Variants in FLNB observed in about 807,000 individuals in gnomAD.
FLNB encodes filamin-B.
In FLNB, 111 loss-of-function variants were observed where a neutral mutation model predicts 250.6. The ratio of observed to expected loss-of-function variants is 0.44; its 90% CI spans 0.38 to 0.52. The LOEUF (loss-of-function observed/expected upper bound fraction) is 0.52, where lower values mean the gene tolerates loss of function less well. Among genes scored for constraint, FLNB ranks in the 20% least tolerant of loss-of-function variants. The pLI is 0.00. For synonymous variants in FLNB, 1,302 were observed against 1,372.1 expected, an observed-to-expected ratio of 0.95 and a Z score of 1.13; for missense variants, 2,869 against 3,447.8, an observed-to-expected ratio of 0.83 and a Z score of 4.20.
intron 18 of FLNB, among the ~76,000 whole-genome samples, chr3:58,112,858 C>T (rs1427507323): frequency 6.6e-6 from 1 of 152,108 alleles, no homozygotes; most frequent in Non-Finnish European, 1.5e-5. Context: ...CCCTAAGGCC[C>T]AGCACACTAT....
At chr3:58,023,552 TTTTAA>T (rs1460423308) in intron 1 of FLNB, among the ~76,000 whole-genome samples, 1 of 152,238 alleles carries the variant, frequency 6.6e-6, no homozygotes, top group Non-Finnish European at 1.5e-5. Flanking sequence ...TACAGCTGCC[TTTTAA>T]TCAGAATAGG....
At chr3:58,116,751 G>C (rs533423300) in intron 18 of FLNB, among the ~76,000 whole-genome samples, 1 of 152,172 alleles carries the variant, frequency 6.6e-6, no homozygotes, top group Non-Finnish European at 1.5e-5. Flanking sequence ...TTGGTTGTGG[G>C]TGGCTTCAAG....
intron 1 of FLNB, 125 bp downstream of exon 1, chr3:58,008,981 C>T: frequency 8.2e-7 from 1 of 1,219,058 alleles, no homozygotes; most frequent in Non-Finnish European, 1.2e-6. Flanking sequence ...GGAGTCGTCC[C>T]CAGGGGTGGG....
At chr3:58,064,416 C>T (rs2097182599) in intron 1 of FLNB, among the ~76,000 whole-genome samples, 1 of 152,136 alleles carries the variant, frequency 6.6e-6, no homozygotes, top group Non-Finnish European at 1.5e-5. Context: ...CCTGCCTTGG[C>T]CTCCTAAAGT....
In FLNB at chr3:58,138,410, G is replaced by A; in HGVS notation, c.4990G>A (p.Val1664Ile). The A allele has an allele frequency of 6.2e-7, 1 of 1,614,242 alleles. No homozygotes were observed. Among genetic ancestry groups the A allele is most frequent in the South Asian group, 1.1e-5 (1 of 91,092 alleles). The change falls in exon 29 of 46, where the codon GTC becomes ATC. Residue 1664 changes from valine to isoleucine, a missense_variant. Val to Ile is a conservative substitution (Grantham distance 29). Coordinates refer to ENST00000295956, the MANE Select transcript of FLNB (RefSeq NM_001457.4). Reference sequence around the variant, plus strand: ...AGATGGCACTGAGGCCGAGGCCGATGTCATTGAGAATGAAGATGGAACCTA... The same window carrying A: ...AGATGGCACTGAGGCCGAGGCCGATATCATTGAGAATGAAGATGGAACCTA... ...TPDGTEAEAD[V>I]IENEDGTYDI...
intron 3 of FLNB, among the ~76,000 whole-genome samples, chr3:58,080,830 G>A (rs193124934): frequency 2.1e-4 from 31 of 145,528 alleles, no homozygotes; most frequent in African/African-American, 8.0e-4. Context: ...TTACTCCTCT[G>A]TTACCCAGGC....
intron 38 of FLNB, among the ~76,000 whole-genome samples, chr3:58,152,188 C>T (rs150679907): frequency 1.2e-3 from 179 of 152,288 alleles, no homozygotes; most frequent in African/African-American, 4.0e-3. Context: ...GGGTGAGGCT[C>T]GATTTTCCAC....
chr3:58,120,295 C>G (rs2097286384), intron 19 of FLNB, among the ~76,000 whole-genome samples: 1 of 152,228 alleles, frequency 6.6e-6, no homozygotes, highest in Non-Finnish European at 1.5e-5. Context: ...CTCCTTTCCC[C>G]AAGACACTGA....
chr3:58,121,090 A>G, intron 19 of FLNB, 151 bp from the exon 20 acceptor site: 4 of 934,222 alleles, frequency 4.3e-6, no homozygotes, highest in Admixed American at 1.7e-5. Context: ...ATACTTACTC[A>G]GCTTTGCTGC....
intron 1 of FLNB, among the ~76,000 whole-genome samples, chr3:58,029,139 C>T (rs750082053): frequency 2.1e-4 from 32 of 151,720 alleles, no homozygotes; most frequent in Non-Finnish European, 4.1e-4. Flanking sequence ...AATGATCCAT[C>T]TTAACCCTTT....
Position 58,145,956 on chromosome 3 carries a change from A to C in FLNB, c.5461A>C (p.Ser1821Arg). 9.3e-6 allele frequency: 15 copies of C among 1,614,204 alleles called. No individual in the cohort carries two copies. The highest frequency in any genetic ancestry group is 1.3e-5 in the Non-Finnish European group (15 of 1,180,012). ...PLQFYVNYPN[S>R]GSVSAYGPGL... Reference sequence around the variant, plus strand: ...CCAGTTCTACGTGAACTACCCCAACAGTGGAAGTGTTTCTGCATACGGTCC... The same window carrying C: ...CCAGTTCTACGTGAACTACCCCAACCGTGGAAGTGTTTCTGCATACGGTCC... Residue 1821 changes from serine (S) to arginine (R), a missense_variant, in exon 33 of 46, where the codon AGT (serine) becomes CGT (arginine). Ser to Arg is a moderately radical substitution (Grantham distance 110, BLOSUM62 -1). Around this residue, in one of 5 missense-constraint regions of FLNB, gnomAD observed 1,084 missense variants for 1,315.5 expected, o/e 0.82. Transcript: ENST00000295956.
intron 1 of FLNB, among the ~76,000 whole-genome samples, chr3:58,071,257 C>G (rs1468438932): frequency 2.1e-5 from 3 of 144,414 alleles, no homozygotes; most frequent in Non-Finnish European, 4.4e-5. Flanking sequence ...CCTACACACC[C>G]CTATCTCTCC....
chr3:58,021,656 C>A (rs558989517), intron 1 of FLNB, among the ~76,000 whole-genome samples: 4 of 152,288 alleles, frequency 2.6e-5, no homozygotes, highest in Non-Finnish European at 4.4e-5. Context: ...CAGGTGTGCA[C>A]CTCTTACCTA....
chr3:58,080,904 C>T (rs952823505), intron 3 of FLNB, among the ~76,000 whole-genome samples: 6 of 151,858 alleles, frequency 4.0e-5, no homozygotes, highest in Non-Finnish European at 7.4e-5. Flanking sequence ...AGCCATCCTC[C>T]TGCCTCAGCC....
At chr3:58,059,108 G>T (rs1257435611) in intron 1 of FLNB, among the ~76,000 whole-genome samples, 1 of 152,170 alleles carries the variant, frequency 6.6e-6, no homozygotes, top group Non-Finnish European at 1.5e-5. Flanking sequence ...AAATTGTTTA[G>T]TCTAGTGTGC....
At chr3:58,117,790 GTT>G (rs112592090) in intron 18 of FLNB, among the ~76,000 whole-genome samples, 65 of 141,846 alleles carry the variant, frequency 4.6e-4, no homozygotes, top group African/African-American at 1.4e-3. Flanking sequence ...GATGCAACCA[GTT>G]TTTTTTTTTT....
chr3:58,132,868 C>T lies in FLNB; in HGVS notation c.4451C>T (p.Thr1484Ile), dbSNP rs2097309770. 2 of 1,613,964 alleles carry T rather than the reference C, an allele frequency of 1.2e-6. No homozygotes were observed. Among genetic ancestry groups the T allele is most frequent in the Non-Finnish European group, 1.7e-6 (2 of 1,179,852 alleles). ...GATGGCACACACACAGTAACCTACA[C>T]CCCATCTCAGGAGGGACCTTACATG... Reference protein sequence around the residue: ...NGDGTHTVTYTPSQEGPYMVS... With the variant: ...NGDGTHTVTYIPSQEGPYMVS... The change falls in exon 26 of 46, where the codon ACC becomes ATC. Residue 1484 changes from threonine (T) to isoleucine (I), a missense_variant. Transcript: ENST00000295956.
chr3:58,032,388 A>G (rs2097132275), intron 1 of FLNB, among the ~76,000 whole-genome samples: 1 of 152,134 alleles, frequency 6.6e-6, no homozygotes, highest in South Asian at 2.1e-4. Flanking sequence ...CGGCTGAGCT[A>G]ATTACCTTAG....
At position 58,169,552 on chromosome 3, in the gene FLNB, G is replaced by A. The variant is rs774188373; in HGVS notation, c.7418-38G>A. The A allele has an allele frequency of 6.5e-7, 1 of 1,544,702 alleles. No individual in the cohort carries two copies. Among genetic ancestry groups the A allele is most frequent in the Admixed American group, 1.7e-5 (1 of 59,940 alleles). ...CTGGCTGAGAGACCCCTCTTGATCTGGCCATTCATGCCTGTCCCCCTCCCT... is the reference window on the plus strand; with the variant it reads ...CTGGCTGAGAGACCCCTCTTGATCTAGCCATTCATGCCTGTCCCCCTCCCT... On this transcript the variant is annotated intron_variant, in intron 44 of 45. Coordinates refer to ENST00000295956, the MANE Select transcript of FLNB (RefSeq NM_001457.4). This position sits in a 1 kb window ranked among gnomAD's most constrained non-coding sequence, Gnocchi z 4.8.
Sources: allele counts gnomAD v4.1 joint callset (sites outside exome capture counted in the v4.1 genomes callset), GRCh38; gene constraint gnomAD v4.1.1; regional missense constraint gnomAD v4.1.1; non-coding constraint Gnocchi (gnomAD v3.1); transcripts MANE v1.5; gene names NCBI Gene and HGNC (gene_info 2026-07-23, HGNC 2026-07-21).